REDIC1: variants seen among roughly 807,000 people sequenced by gnomAD.
REDIC1 encodes regulator of DNA class I crossover intermediates 1.
At chr12:39,823,955 A>G in the REDIC1 span, among the ~76,000 whole-genome samples, 4 of 152,326 alleles carry the variant, frequency 2.6e-5, no homozygotes, top group Admixed American at 2.6e-4. Flanking sequence ...GGAAATAAGT[A>G]TGGATGCAAA....
At chr12:39,685,305 G>T in the REDIC1 span, among the ~76,000 whole-genome samples, 1 of 152,216 alleles carries the variant, frequency 6.6e-6, no homozygotes, top group Non-Finnish European at 1.5e-5. Context: ...CAGGAAGCAT[G>T]ATGCTGGCAT....
At chr12:39,714,659 G>C in the REDIC1 span, among the ~76,000 whole-genome samples, 1 of 151,830 alleles carries the variant, frequency 6.6e-6, no homozygotes, top group Non-Finnish European at 1.5e-5. Context: ...CATAGTGGCT[G>C]TACTAGTTTA....
chr12:39,841,077 T>C, the REDIC1 span, among the ~76,000 whole-genome samples: 2 of 151,664 alleles, frequency 1.3e-5, no homozygotes, highest in African/African-American at 2.4e-5. Context: ...TGTAAAAGAG[T>C]CATATTTCTC....
the REDIC1 span, among the ~76,000 whole-genome samples, chr12:39,734,199 C>T: frequency 3.9e-5 from 6 of 152,156 alleles, no homozygotes; most frequent in South Asian, 2.1e-4. Context: ...GGTGAGGCGA[C>T]GCCCCACCCT....
chr12:39,767,642 T>G, the REDIC1 span, among the ~76,000 whole-genome samples: 7 of 152,046 alleles, frequency 4.6e-5, no homozygotes, highest in Admixed American at 2.0e-4. Context: ...TTGTTTAGTA[T>G]AGCCACCTGA....
the REDIC1 span, among the ~76,000 whole-genome samples, chr12:39,730,236 G>T: frequency 5.3e-5 from 8 of 152,250 alleles, no homozygotes; most frequent in East Asian, 1.5e-3. Context: ...GTTAGTTGGC[G>T]CAGTTTCTTC....
At chr12:39,817,309 G>T in the REDIC1 span, among the ~76,000 whole-genome samples, 1 of 151,930 alleles carries the variant, frequency 6.6e-6, no homozygotes, top group African/African-American at 2.4e-5. Flanking sequence ...GATGCAGGAG[G>T]TCATTAGACA....
the REDIC1 span, among the ~76,000 whole-genome samples, chr12:39,637,782 A>G: frequency 3.3e-5 from 5 of 152,084 alleles, no homozygotes; most frequent in Non-Finnish European, 5.9e-5. Flanking sequence ...TTTGTCATAT[A>G]TAAAGTTCTG....
chr12:39,752,794 CCAGT>C, the REDIC1 span, among the ~76,000 whole-genome samples: 2 of 152,128 alleles, frequency 1.3e-5, no homozygotes, highest in African/African-American at 2.4e-5. Flanking sequence ...GCATGTAAAT[CCAGT>C]CAATCATTTT....
the REDIC1 span, among the ~76,000 whole-genome samples, chr12:39,714,290 T>C: frequency 6.9e-6 from 1 of 145,064 alleles, no homozygotes; most frequent in African/African-American, 2.5e-5. Flanking sequence ...TATACGTATA[T>C]GCATGCATAT....
chr12:39,702,231 A>T, the REDIC1 span, among the ~76,000 whole-genome samples: 2 of 152,220 alleles, frequency 1.3e-5, no homozygotes, highest in Non-Finnish European at 2.9e-5. Flanking sequence ...AATAGACGCA[A>T]TAAAAAATGA....
At chr12:39,780,108 G>A in the REDIC1 span, among the ~76,000 whole-genome samples, 2 of 152,164 alleles carry the variant, frequency 1.3e-5, no homozygotes, top group East Asian at 1.9e-4. Context: ...CGTTTGTATA[G>A]AGACTTACCG....
the REDIC1 span, among the ~76,000 whole-genome samples, chr12:39,699,052 T>C: frequency 1.3e-5 from 2 of 152,208 alleles, no homozygotes; most frequent in South Asian, 4.1e-4. Context: ...GAAAAAAAGT[T>C]GGTTTTTGAA....
At chr12:39,905,334 T>C in the REDIC1 span, among the ~76,000 whole-genome samples, 33 of 152,140 alleles carry the variant, frequency 2.2e-4, no homozygotes, top group African/African-American at 7.7e-4. Flanking sequence ...ATAAACAGCC[T>C]GTAATACTGC....
the REDIC1 span, among the ~76,000 whole-genome samples, chr12:39,688,588 A>G: frequency 6.6e-6 from 1 of 152,202 alleles, no homozygotes; most frequent in Non-Finnish European, 1.5e-5. Flanking sequence ...CAGTTTAATT[A>G]TTGATCATTA....
the REDIC1 span, among the ~76,000 whole-genome samples, chr12:39,691,229 A>G: frequency 1.3e-5 from 2 of 152,170 alleles, no homozygotes; most frequent in Non-Finnish European, 2.9e-5. Flanking sequence ...ACCAATTCCA[A>G]GGGAGGCCGG....
chr12:39,863,637 T>C, the REDIC1 span, among the ~76,000 whole-genome samples: 1 of 152,180 alleles, frequency 6.6e-6, no homozygotes, highest in Non-Finnish European at 1.5e-5. Context: ...GATGCTATGG[T>C]TAACTTCTAC....
chr12:39,884,805 C>T, the REDIC1 span, among the ~76,000 whole-genome samples: 3 of 152,160 alleles, frequency 2.0e-5, no homozygotes, highest in Non-Finnish European at 2.9e-5. Context: ...TACTGTTTCT[C>T]ATGTCCCAAG....
chr12:39,871,871 G>A, the REDIC1 span: 3 of 1,612,392 alleles, frequency 1.9e-6, no homozygotes, highest in Admixed American at 1.7e-5. Flanking sequence ...GTGTGAAAAT[G>A]AAATTTGTGA....
Sources: allele counts gnomAD v4.1 joint callset (sites outside exome capture counted in the v4.1 genomes callset), GRCh38; gene constraint gnomAD v4.1.1; transcripts MANE v1.5; gene names NCBI Gene and HGNC (gene_info 2026-07-23, HGNC 2026-07-21).